The following IL1RAPL2 variants were observed in gnomAD, a reference collection of about 807,000 sequenced individuals.
IL1RAPL2 encodes interleukin 1 receptor accessory protein like 2.
In IL1RAPL2, 3 loss-of-function variants were observed where a neutral mutation model predicts 44.1. The observed-to-expected ratio is 0.07, with a 90% CI of 0.03 to 0.18. IL1RAPL2 has a LOEUF of 0.18. Ranked by LOEUF, IL1RAPL2 falls within the 10% of genes least tolerant of loss-of-function variation. The pLI, the probability that IL1RAPL2 is intolerant of heterozygous loss-of-function variation, is 1.00. For synonymous variants in IL1RAPL2, 181 were observed against 178.8 expected (o/e 1.01, Z -0.10); for missense variants, 391 against 496.4 (o/e 0.79, Z 2.02).
intron 5 of IL1RAPL2, among the ~76,000 whole-genome samples, chrX:105,354,514 A>AG (rs368223682): frequency 0.13 from 8,002 of 62,608 alleles, 1,571 homozygotes; most frequent in African/African-American, 0.45. Context: ...GGGTGGGGGG[A>AG]GGGGGAAGGA....
At chrX:104,781,771 C>A (rs1243585193) in intron 2 of IL1RAPL2, among the ~76,000 whole-genome samples, 5 of 112,219 alleles carry the variant, frequency 4.5e-5, no homozygotes, top group Non-Finnish European at 9.4e-5. Flanking sequence ...GAAAAGCTGG[C>A]AAATGTAGTC....
At chrX:105,066,851 C>T (rs193126088) in intron 2 of IL1RAPL2, among the ~76,000 whole-genome samples, 1 of 111,634 alleles carries the variant, frequency 9.0e-6, no homozygotes, top group East Asian at 2.8e-4. Context: ...TGCCAAAACT[C>T]TCCCTTCCCA....
intron 1 of IL1RAPL2, among the ~76,000 whole-genome samples, chrX:104,585,369 ATTAT>A (rs1928532935): frequency 3.8e-5 from 1 of 25,994 alleles, no homozygotes; most frequent in Non-Finnish European, 5.8e-5. Flanking sequence ...TATTATATAT[ATTAT>A]ATATAATATA....
At chrX:105,236,224 T>C (rs1473453808) in intron 4 of IL1RAPL2, among the ~76,000 whole-genome samples, 1 of 112,247 alleles carries the variant, frequency 8.9e-6, no homozygotes, top group Non-Finnish European at 1.9e-5. Flanking sequence ...CCTTTTCTCA[T>C]ATCTCTAGAC....
chrX:104,909,623 T>C (rs1344950708), intron 2 of IL1RAPL2, among the ~76,000 whole-genome samples: 2 of 111,800 alleles, frequency 1.8e-5, no homozygotes, highest in Non-Finnish European at 3.8e-5. Flanking sequence ...GTCAGTGTGC[T>C]CCTGTTGGGG....
intron 2 of IL1RAPL2, among the ~76,000 whole-genome samples, chrX:105,074,361 G>C (rs1007968877): frequency 4.5e-5 from 5 of 111,022 alleles, no homozygotes; most frequent in African/African-American, 1.3e-4. Context: ...TAGATATGCG[G>C]CATTATTTCT....
intron 6 of IL1RAPL2, among the ~76,000 whole-genome samples, chrX:105,659,683 AT>A (rs1343746867): frequency 9.3e-6 from 1 of 107,271 alleles, no homozygotes; most frequent in African/African-American, 3.4e-5. Context: ...ATAAAAAAAA[AT>A]AAATAAAAGA....
At chrX:104,630,673 T>A (rs769839654) in intron 1 of IL1RAPL2, among the ~76,000 whole-genome samples, 1 of 111,403 alleles carries the variant, frequency 9.0e-6, no homozygotes, top group African/African-American at 3.3e-5. Flanking sequence ...TAGGATTGTG[T>A]TTTCTATTTC....
At chrX:105,399,154 G>C (rs1482753271) in intron 5 of IL1RAPL2, among the ~76,000 whole-genome samples, 1 of 111,683 alleles carries the variant, frequency 9.0e-6, no homozygotes, top group Non-Finnish European at 1.9e-5. Flanking sequence ...AGAATAGGAA[G>C]CTGGTGCATA....
chrX:104,766,361 C>A (rs1450627109), intron 2 of IL1RAPL2, among the ~76,000 whole-genome samples: 2 of 81,676 alleles, frequency 2.4e-5, no homozygotes, highest in African/African-American at 9.0e-5. Flanking sequence ...TGGAATAATT[C>A]CTGGCTGGCC....
rs181408295 is a variant in IL1RAPL2, at chrX:105,527,942, G to C, written c.772+43555G>C. Among the ~76,000 whole-genome samples, 10 of 112,031 alleles carry C rather than the reference G, an allele frequency of 8.9e-5. No individual in the cohort carries two copies. The East Asian group carries it at 2.8e-3, about 32-fold the overall frequency. Reference sequence around the variant, plus strand: ...GGAAAATATGCAGAACTGCTGCCCAGAAAGCAGGCATGTAGGAGAATCCTC... The same window carrying C: ...GGAAAATATGCAGAACTGCTGCCCACAAAGCAGGCATGTAGGAGAATCCTC... On this transcript the variant is annotated intron_variant, in intron 6 of 10. Coordinates refer to ENST00000372582, the MANE Select transcript of IL1RAPL2 (RefSeq NM_017416.2).
At chrX:104,916,009 T>C (rs1924415037) in intron 2 of IL1RAPL2, among the ~76,000 whole-genome samples, 1 of 112,085 alleles carries the variant, frequency 8.9e-6, no homozygotes, top group African/African-American at 3.2e-5. Flanking sequence ...GCGTGATGCC[T>C]CCAGCTTTGT....
At chrX:105,369,661 A>G (rs998600586) in intron 5 of IL1RAPL2, among the ~76,000 whole-genome samples, 1 of 111,712 alleles carries the variant, frequency 9.0e-6, no homozygotes, top group Non-Finnish European at 1.9e-5. Context: ...TAATTTTAAA[A>G]GTCATCTTTT....
chrX:105,349,207 A>G (rs1425025968), intron 5 of IL1RAPL2, among the ~76,000 whole-genome samples: 1 of 112,071 alleles, frequency 8.9e-6, no homozygotes, highest in East Asian at 2.8e-4. Context: ...GCAGTTGTCC[A>G]CAGCACTGTG....
intron 6 of IL1RAPL2, among the ~76,000 whole-genome samples, chrX:105,642,767 A>T (rs747798412): frequency 1.1e-4 from 12 of 112,071 alleles, no homozygotes; most frequent in Non-Finnish European, 1.5e-4. Flanking sequence ...AGAAAAGAAA[A>T]CCAAAACCCA....
chrX:104,716,753 A>T (rs888384611), intron 2 of IL1RAPL2, among the ~76,000 whole-genome samples: 1 of 112,104 alleles, frequency 8.9e-6, no homozygotes, highest in African/African-American at 3.2e-5. Flanking sequence ...AATGGTTATT[A>T]TTAAAAAGTC....
At chrX:105,153,763 A>G (rs754939358) in intron 2 of IL1RAPL2, among the ~76,000 whole-genome samples, 51 of 111,825 alleles carry the variant, frequency 4.6e-4, no homozygotes, top group Non-Finnish European at 7.9e-4. Context: ...GGTTGAGAGA[A>G]TTAAGCTCTG....
At chrX:104,975,415 A>G (rs1195743436) in intron 2 of IL1RAPL2, among the ~76,000 whole-genome samples, 2 of 112,341 alleles carry the variant, frequency 1.8e-5, no homozygotes, top group African/African-American at 6.5e-5. Context: ...ATGACATGCT[A>G]AACAAAACAC....
chrX:105,380,688 G>A (rs1361213794), intron 5 of IL1RAPL2, among the ~76,000 whole-genome samples: 1 of 111,634 alleles, frequency 9.0e-6, no homozygotes, highest in African/African-American at 3.3e-5. Flanking sequence ...TTTTAATATT[G>A]ACTTTTTCTA....
Sources: gnomAD v4.1 joint callset for allele counts (sites outside exome capture counted in the v4.1 genomes callset) on GRCh38, gnomAD v4.1.1 for gene constraint, MANE v1.5 for transcripts, NCBI Gene and HGNC (gene_info 2026-07-23, HGNC 2026-07-21) for gene names.